FOXN3: variants seen among roughly 807,000 people sequenced by gnomAD.
FOXN3 encodes forkhead box N3.
In FOXN3, 7 loss-of-function variants were observed where a neutral mutation model predicts 38.4. That is an observed-to-expected ratio of 0.18 (90% confidence interval 0.10 to 0.34). The LOEUF (loss-of-function observed/expected upper bound fraction) is 0.34, where lower values mean the gene tolerates loss of function less well. Among genes scored for constraint, FOXN3 ranks in the 10% least tolerant of loss-of-function variants. The pLI, the probability that FOXN3 is intolerant of heterozygous loss-of-function variation, is 1.00. For synonymous variants in FOXN3, 230 were observed against 242.2 expected, an observed-to-expected ratio of 0.95 and a Z score of 0.47; for missense variants, 456 against 613.4, an observed-to-expected ratio of 0.74 and a Z score of 2.71.
intron 1 of FOXN3, among the ~76,000 whole-genome samples, chr14:89,425,848 T>A (rs1428348915): frequency 6.6e-6 from 1 of 152,142 alleles, no homozygotes; most frequent in Admixed American, 6.5e-5. Context: ...ACATCATAAT[T>A]TTGTTGATAT....
intron 3 of FOXN3, chr14:89,290,719 T>G (rs942151818): frequency 1.9e-5 from 7 of 363,076 alleles, no homozygotes; most frequent in Middle Eastern, 5.5e-4. Flanking sequence ...TGGGGAGACG[T>G]ACTTTGCCCT....
chr14:89,596,206 C>T (rs563716199), intron 1 of FOXN3, among the ~76,000 whole-genome samples: 3 of 152,260 alleles, frequency 2.0e-5, no homozygotes, highest in Admixed American at 1.3e-4. Flanking sequence ...GGCACAATCT[C>T]GGCTCACTGC....
At chr14:89,301,673 TAGG>T (rs1566950856) in intron 3 of FOXN3, among the ~76,000 whole-genome samples, 1 of 151,478 alleles carries the variant, frequency 6.6e-6, no homozygotes, top group East Asian at 1.9e-4. Context: ...GAGGCTGAGG[TAGG>T]AGAACTGCTT....
At chr14:89,387,852 A>G (rs1890835393) in intron 2 of FOXN3, among the ~76,000 whole-genome samples, 1 of 152,206 alleles carries the variant, frequency 6.6e-6, no homozygotes, top group Non-Finnish European at 1.5e-5. Context: ...ACCTGCGTCT[A>G]GCAGCGGCAC....
chr14:89,596,941 C>G (rs993566701), intron 1 of FOXN3, among the ~76,000 whole-genome samples: 12 of 152,110 alleles, frequency 7.9e-5, no homozygotes, highest in Non-Finnish European at 1.5e-4. Context: ...TCCTTTGGCT[C>G]TGTTGATTCT....
chr14:89,478,567 A>G (rs184303004), intron 1 of FOXN3, among the ~76,000 whole-genome samples: 123 of 152,290 alleles, frequency 8.1e-4, no homozygotes, highest in Non-Finnish European at 1.5e-3. Context: ...AAGAACCATA[A>G]TAGTAATTTT....
rs1014157811 is a variant in FOXN3 at position 89,217,177 on chromosome 14, G to A, written c.746-36371C>T. ...TGAGACAGGGTCTCACTCTGTCATC[G>A]AGGCTGGAGTGCAGTGCTGCGATCA... On this transcript the variant is annotated intron_variant, in intron 4 of 5. Coordinates refer to ENST00000557258, the MANE Select transcript of FOXN3 (RefSeq NM_005197.4). 3.3e-5 allele frequency among the ~76,000 whole-genome samples: 5 copies of A among 152,106 alleles called. No homozygotes were observed. The East Asian group carries it at 7.7e-4, about 23-fold the overall frequency.
At chr14:89,227,670 T>C (rs1340165367) in intron 4 of FOXN3, among the ~76,000 whole-genome samples, 1 of 152,158 alleles carries the variant, frequency 6.6e-6, no homozygotes, top group Admixed American at 6.5e-5. Flanking sequence ...AACTGCCTTC[T>C]GGTAATAAAA....
intron 4 of FOXN3, among the ~76,000 whole-genome samples, chr14:89,271,032 T>C (rs1290151538): frequency 6.6e-6 from 1 of 152,078 alleles, no homozygotes; most frequent in Non-Finnish European, 1.5e-5. Context: ...CACTCATGCA[T>C]GTGCACATAC....
intron 1 of FOXN3, among the ~76,000 whole-genome samples, chr14:89,596,033 G>T (rs991378535): frequency 4.6e-5 from 7 of 152,030 alleles, no homozygotes; most frequent in Admixed American, 1.3e-4. Flanking sequence ...CACTAACCTT[G>T]CATTTCTAGA....
At chr14:89,471,786 G>A (rs886769042) in intron 1 of FOXN3, among the ~76,000 whole-genome samples, 1 of 152,142 alleles carries the variant, frequency 6.6e-6, no homozygotes, top group African/African-American at 2.4e-5. Flanking sequence ...AATAAAATGT[G>A]TGACACGTGT....
At chr14:89,251,434 C>T (rs1420877000) in intron 4 of FOXN3, among the ~76,000 whole-genome samples, 1 of 152,210 alleles carries the variant, frequency 6.6e-6, no homozygotes, top group East Asian at 1.9e-4. Flanking sequence ...ACACAAAATT[C>T]ACTGGAAAAG....
intron 4 of FOXN3, among the ~76,000 whole-genome samples, chr14:89,269,587 G>A (rs1034583792): frequency 7.9e-5 from 12 of 151,746 alleles, no homozygotes; most frequent in Non-Finnish European, 2.9e-5. Flanking sequence ...GGTCACCACG[G>A]TAATGGTCGC....
At chr14:89,213,673 G>GCTA (rs1884172240) in intron 4 of FOXN3, among the ~76,000 whole-genome samples, 3 of 152,164 alleles carry the variant, frequency 2.0e-5, no homozygotes, top group East Asian at 3.8e-4. Context: ...ACTGGTTTGA[G>GCTA]GACATGAGCC....
chr14:89,283,974 C>T (rs1048193538), intron 3 of FOXN3, among the ~76,000 whole-genome samples: 1 of 152,132 alleles, frequency 6.6e-6, no homozygotes, highest in African/African-American at 2.4e-5. Flanking sequence ...AATTCTCCTG[C>T]CTCAGCCTCC....
intron 1 of FOXN3, among the ~76,000 whole-genome samples, chr14:89,496,885 T>C (rs1893695383): frequency 1.3e-5 from 2 of 152,236 alleles, no homozygotes; most frequent in Non-Finnish European, 1.5e-5. Flanking sequence ...AATATTTGCC[T>C]TTTTGTGACT....
intron 3 of FOXN3, chr14:89,349,483 C>G (rs1267373581): frequency 2.0e-5 from 3 of 152,614 alleles, no homozygotes; most frequent in Non-Finnish European, 4.4e-5. Context: ...TATCTAAGTA[C>G]TAATGGCCTG....
rs115036641 is a variant in FOXN3 at position 89,250,689 on chromosome 14, G to A, written c.745+30261C>T. Among the ~76,000 whole-genome samples the A allele has an allele frequency of 7.7e-3, 1,180 of 152,280 alleles. 12 individuals carry two copies. Among genetic ancestry groups the A allele is most frequent in the African/African-American group, 0.027 (1,141 of 41,536 alleles). On this transcript the variant is annotated intron_variant, in intron 4 of 5. Transcript: ENST00000557258. ...CTCATATATGTTCCCGATATGGGTT[G>A]GCTGTGTCCCCACACAAATCTCGAA...
chr14:89,181,970 T>C (rs1298444353), intron 4 of FOXN3, among the ~76,000 whole-genome samples: 1 of 152,172 alleles, frequency 6.6e-6, no homozygotes, highest in Admixed American at 6.5e-5. Context: ...CTGTCTACCA[T>C]CATGGGTTCA....
Sources: gnomAD v4.1 joint callset for allele counts (sites outside exome capture counted in the v4.1 genomes callset) on GRCh38, gnomAD v4.1.1 for gene constraint, MANE v1.5 for transcripts, NCBI Gene and HGNC (gene_info 2026-07-23, HGNC 2026-07-21) for gene names.